Variants in CALR3 observed in about 807,000 individuals in gnomAD.
CALR3 encodes calreticulin-3.
A neutral mutation model predicts 48.7 loss-of-function variants in CALR3; 39 were observed. The ratio of observed to expected loss-of-function variants is 0.80; its 90% CI spans 0.62 to 1.05. The LOEUF (loss-of-function observed/expected upper bound fraction) is 1.05. Ranked by LOEUF, CALR3 falls within the 50% of genes least tolerant of loss-of-function variation. The probability of loss-of-function intolerance (pLI) is 0.00; values close to 1 mark genes in which losing one functional copy is unlikely to be tolerated. For synonymous variants in CALR3, 185 were observed against 172.7 expected, an observed-to-expected ratio of 1.07 and a Z score of -0.56; for missense variants, 449 against 474.7, an observed-to-expected ratio of 0.95 and a Z score of 0.50.
intron 5 of CALR3, 116 bp from the exon 6 acceptor site, chr19:16,482,901 G>A (rs2093383369): frequency 1.1e-6 from 1 of 952,174 alleles, no homozygotes; most frequent in Middle Eastern, 3.0e-4. Flanking sequence ...CTGGAGTGCG[G>A]TTGTGCAATC....
intron 5 of CALR3, among the ~76,000 whole-genome samples, chr19:16,483,003 C>T (rs2093383513): frequency 6.6e-6 from 1 of 152,022 alleles, no homozygotes; most frequent in South Asian, 2.1e-4. Context: ...CGCCATCATA[C>T]CTGGCTACTA....
In CALR3 at chr19:16,482,805, A is replaced by G; in HGVS notation, c.679-20T>C. ...CCAGTCCTTCAAAGACATGTAAGGA[A>G]AAAGTAAAATCAGTCAGATGCTCAT... On this transcript the variant is annotated intron_variant, in intron 5 of 8. Transcript: ENST00000269881. 15 of 1,601,512 alleles carry G rather than the reference A, an allele frequency of 9.4e-6. No individual in the cohort carries two copies. Among genetic ancestry groups the G allele is most frequent in the Non-Finnish European group, 1.3e-5 (15 of 1,172,476 alleles).
intron 8 of CALR3, 61 bp downstream of exon 8, chr19:16,480,550 TAAA>T: frequency 3.1e-6 from 3 of 970,220 alleles, no homozygotes; most frequent in Non-Finnish European, 4.6e-6. Context: ...AGACTCCATC[TAAA>T]AAAAAAAAAT....
chr19:16,493,642 C>T (rs888227496), intron 2 of CALR3, among the ~76,000 whole-genome samples: 5 of 146,988 alleles, frequency 3.4e-5, no homozygotes, highest in East Asian at 2.0e-4. Context: ...CTCCGCCTCT[C>T]GGGTTCATGT....
At chr19:16,480,940 G>A (rs536064524) in intron 7 of CALR3, among the ~76,000 whole-genome samples, 15 of 152,074 alleles carry the variant, frequency 9.9e-5, no homozygotes, top group Non-Finnish European at 2.1e-4. Context: ...TGAATCACTT[G>A]AGGTCAGGAG....
intron 2 of CALR3, among the ~76,000 whole-genome samples, chr19:16,492,216 G>T (rs1220010801): frequency 6.6e-6 from 1 of 152,148 alleles, no homozygotes; most frequent in African/African-American, 2.4e-5. Flanking sequence ...CAACACTTTG[G>T]GAGGCTGAGC....
Position 16,480,676 on chromosome 19 carries a change from G to A in CALR3, c.949C>T (p.Leu317=). The change falls in exon 8 of 9, where the codon CTG becomes TTG. Residue 317 remains leucine (L), a synonymous_variant. Coordinates refer to ENST00000269881, the MANE Select transcript of CALR3 (RefSeq NM_145046.5). ...VRSGTIFDNF[L]ITDDEEYADN... is the part of the protein sequence containing the mutation. ...GCGTACTCTTCATCATCTGTGATCA[G>A]AAAGTTATCAAAAATGGTTCCAGAT... 1.9e-6 allele frequency: 3 copies of A among 1,613,896 alleles called. No homozygotes were observed. The highest frequency in any genetic ancestry group is 2.2e-5 in the East Asian group (1 of 44,886).
rs1158313103 is a variant in CALR3 at position 16,480,007 on chromosome 19, A to G, written c.1011+607T>C. ...ATCATGAGGTCAAGAGAGCGAGACC[A>G]TCCTGGCCAATATGGTGAAACCCCG... On this transcript the variant is annotated intron_variant, in intron 8 of 8. Coordinates refer to ENST00000269881, the MANE Select transcript of CALR3 (RefSeq NM_145046.5). 3.3e-5 allele frequency among the ~76,000 whole-genome samples: 5 copies of G among 150,728 alleles called. No homozygotes were observed. The East Asian group carries it at 9.9e-4, about 30-fold the overall frequency.
chr19:16,487,550 C>T (rs575157311), intron 3 of CALR3, among the ~76,000 whole-genome samples: 29 of 150,324 alleles, frequency 1.9e-4, no homozygotes, highest in African/African-American at 6.3e-4. Flanking sequence ...TCTCAAACTC[C>T]GGGGCTCAAG....
intron 3 of CALR3, among the ~76,000 whole-genome samples, chr19:16,489,619 C>T (rs75789310): frequency 1.4e-5 from 2 of 139,010 alleles, no homozygotes; most frequent in Admixed American, 7.2e-5. Flanking sequence ...AACTCTGTCT[C>T]AAAAAAAAAA....
At chr19:16,479,727 C>G (rs904300388) in intron 8 of CALR3, among the ~76,000 whole-genome samples, 2 of 151,498 alleles carry the variant, frequency 1.3e-5, no homozygotes, top group African/African-American at 2.4e-5. Context: ...CCACTGCACT[C>G]CAGCCTGGGT....
chr19:16,490,318 G>C (rs989023315), intron 3 of CALR3, 49 bp downstream of exon 3: 1 of 1,526,278 alleles, frequency 6.6e-7, no homozygotes, highest in Admixed American at 1.7e-5. Context: ...TGAAGTGGGA[G>C]GGTTTTCAAA....
chr19:16,492,021 G>A (rs1321784216), intron 2 of CALR3, among the ~76,000 whole-genome samples: 2 of 151,758 alleles, frequency 1.3e-5, no homozygotes, highest in Non-Finnish European at 2.9e-5. Context: ...TAGAGATGGG[G>A]TTTCACCACG....
At chr19:16,493,519 G>C (rs1303687297) in intron 2 of CALR3, among the ~76,000 whole-genome samples, 1 of 147,718 alleles carries the variant, frequency 6.8e-6, no homozygotes, top group African/African-American at 2.5e-5. Context: ...CTTTGAGCTT[G>C]AATTAGCTCT....
At chr19:16,479,937 G>GCTCACACCTGTAATCC (rs1382307622) in intron 8 of CALR3, among the ~76,000 whole-genome samples, 4 of 152,048 alleles carry the variant, frequency 2.6e-5, no homozygotes, top group Non-Finnish European at 4.4e-5. Flanking sequence ...GGGCGCGGTG[G>GCTCACACCTGTAATCC]CTCACACCTG....
At chr19:16,487,012 A>C (rs2093390088) in intron 3 of CALR3, among the ~76,000 whole-genome samples, 2 of 151,988 alleles carry the variant, frequency 1.3e-5, no homozygotes, top group South Asian at 2.1e-4. Context: ...TTATTTATTT[A>C]TTTATTTATT....
intron 3 of CALR3, among the ~76,000 whole-genome samples, chr19:16,488,186 T>C (rs2122139174): frequency 6.6e-6 from 1 of 152,120 alleles, no homozygotes; most frequent in East Asian, 1.9e-4. Flanking sequence ...CGACCTAAGG[T>C]GATGCGCCCG....
chr19:16,482,508 G>T lies in CALR3; in HGVS notation c.860C>A (p.Thr287Lys), dbSNP rs772912504. Residue 287 changes from threonine to lysine, a missense_variant, in exon 7 of 9, where the codon ACG (threonine) becomes AAG (lysine). By Grantham distance (78) the Thr-to-Lys change is moderately conservative (BLOSUM62 -1). Coordinates refer to ENST00000269881, the MANE Select transcript of CALR3 (RefSeq NM_145046.5). ...HRKMKNTDYL[T>K]QYDLSEFENI... ...CTCAAATTCTGAGAGGTCATACTGC[G>T]TCAAATAGTCGGTATTCTTCATCTT... 6.2e-7 allele frequency: 1 copy of T among 1,614,202 alleles called. No individual in the cohort carries two copies. The highest frequency in any genetic ancestry group is 1.1e-5 in the South Asian group (1 of 91,088).
At position 16,490,259 on chromosome 19, in the gene CALR3, A is replaced by G. The variant is rs962714417; in HGVS notation, c.397+108T>C. On this transcript the variant is annotated intron_variant, in intron 3 of 8. Coordinates refer to ENST00000269881, the MANE Select transcript of CALR3 (RefSeq NM_145046.5). ...TACAAACCTTGGATCCGATATACTC[A>G]ATACTACTACCTTCACTACATTAGC... is the stretch of plus-strand genomic sequence containing the variant. 5 of 951,218 alleles carry G rather than the reference A, an allele frequency of 5.3e-6. No homozygotes were observed. In the Admixed American group the frequency reaches 9.6e-5, roughly 18 times the overall value. 58.9% of individuals were successfully genotyped at this position (951,218 alleles called of 1,614,324 possible). A position where few individuals can be genotyped will look rare whatever the true frequency, so the allele number is the denominator to read the frequency against.
Sources: gnomAD v4.1 joint callset for allele counts (sites outside exome capture counted in the v4.1 genomes callset) on GRCh38, gnomAD v4.1.1 for gene constraint, MANE v1.5 for transcripts, NCBI Gene and HGNC (gene_info 2026-07-23, HGNC 2026-07-21) for gene names.